The following OR4E2 variants were observed in gnomAD, a reference collection of about 807,000 sequenced individuals.
The protein encoded by OR4E2 is olfactory receptor family 4 subfamily E member 2, also known as olfactory receptor 4E2.
OR4E2 carries 9 observed loss-of-function variants against 11.0 expected under a neutral mutation model. That is an observed-to-expected ratio of 0.82 (90% CI 0.49 to 1.43). The LOEUF is 1.43. Ranked by LOEUF, OR4E2 falls within the 40% of genes most tolerant of loss-of-function variation. The pLI, the probability that OR4E2 is intolerant of heterozygous loss-of-function variation, is 0.00. For missense variants in OR4E2, 441 were observed against 382.0 expected (o/e 1.15, Z -1.29); for synonymous variants, 159 against 147.3 (o/e 1.08, Z -0.57).
At position 21,665,644 on chromosome 14, in the gene OR4E2, G is replaced by A. The variant is rs1346552154; in HGVS notation, c.562G>A (p.Ala188Thr). ...FCDVPLVIKLACTDTYLTGIL... is the reference protein window; with the variant it reads ...FCDVPLVIKLTCTDTYLTGIL... ...TGATGTGCCTCTTGTTATCAAGCTG[G>A]CCTGCACAGATACATACCTCACAGG... The change falls in exon 4 of 4, where the codon GCC becomes ACC. Residue 188 changes from alanine to threonine, a missense_variant. Physicochemically the swap from Ala to Thr is moderately conservative, Grantham distance 58 (BLOSUM62 0). Transcript: ENST00000641524. The A allele has an allele frequency of 1.9e-6, 3 of 1,614,034 alleles. No individual in the cohort carries two copies. Among genetic ancestry groups the A allele is most frequent in the Non-Finnish European group, 2.5e-6 (3 of 1,180,002 alleles).
chr14:21,664,724 A>G (rs1436198794), intron 3 of OR4E2, among the ~76,000 whole-genome samples: 1 of 152,220 alleles, frequency 6.6e-6, no homozygotes, highest in Non-Finnish European at 1.5e-5. Flanking sequence ...TGGGAGTTGT[A>G]TTGGAATATT....
chr14:21,658,325 C>T (rs1018345964), intron 2 of OR4E2, among the ~76,000 whole-genome samples: 1 of 152,148 alleles, frequency 6.6e-6, no homozygotes, highest in Non-Finnish European at 1.5e-5. Flanking sequence ...GGTTTAAGCC[C>T]TGGCATTCAA....
At chr14:21,663,762 C>T (rs767942824) in intron 3 of OR4E2, among the ~76,000 whole-genome samples, 2 of 152,090 alleles carry the variant, frequency 1.3e-5, no homozygotes, top group Admixed American at 6.5e-5. Context: ...CAGCACAGAT[C>T]GTCAGGTATT....
chr14:21,657,654 G>C (rs189619925), intron 2 of OR4E2, among the ~76,000 whole-genome samples: 2 of 149,042 alleles, frequency 1.3e-5, no homozygotes, highest in East Asian at 4.0e-4. Context: ...TCGGTGGCAC[G>C]ATCCCAGCTC....
In OR4E2 at chr14:21,665,687, AT is replaced by A. The variant is rs1566589075; in HGVS notation, c.606del (p.Asn202LysfsTer81). On this transcript the variant is annotated frameshift_variant, in exon 4 of 4. Coordinates refer to ENST00000641524, the MANE Select transcript of OR4E2 (RefSeq NM_001001912.3). LOFTEE classifies it high-confidence loss of function. ...CTCACAGGAATACTGATTGTGACCAATAGTGGAACCATCTCCCTCTCCTGTT... is the reference window on the plus strand; with the variant it reads ...CTCACAGGAATACTGATTGTGACCAAAGTGGAACCATCTCCCTCTCCTGTT... ...TYLTGILIVT[N>X]SGTISLSCFL... 6.2e-7 allele frequency: 1 copy of A among 1,614,114 alleles called. No homozygotes were observed. The highest frequency in any genetic ancestry group is 1.7e-5 in the Admixed American group (1 of 60,002).
rs1414111115 is a variant in OR4E2, at chr14:21,665,774, A to C, written c.692A>C (p.Glu231Ala). The stretch of plus-strand genomic sequence containing the variant: ...GTTTCTCTTCGAAAACACTCAGCTG[A>C]AGGGCGCCGGAAAGCCCTGTCTACC... ...ILVSLRKHSAEGRRKALSTCS... is the reference protein window; with the variant it reads ...ILVSLRKHSAAGRRKALSTCS... Residue 231 changes from glutamate to alanine, a missense_variant, in exon 4 of 4, where the codon GAA (glutamate) becomes GCA (alanine). Glu to Ala is a moderately radical substitution (Grantham distance 107). Coordinates refer to ENST00000641524, the MANE Select transcript of OR4E2 (RefSeq NM_001001912.3). 1.9e-6 allele frequency: 3 copies of C among 1,613,832 alleles called. No homozygotes were observed. The highest frequency in any genetic ancestry group is 1.1e-5 in the South Asian group (1 of 91,052).
At position 21,665,673 on chromosome 14, in the gene OR4E2, A is replaced by G. The variant is rs1224360783; in HGVS notation, c.591A>G (p.Ile197Met). ...LACTDTYLTG[I>M]LIVTNSGTIS... ...GCACAGATACATACCTCACAGGAAT[A>G]CTGATTGTGACCAATAGTGGAACCA... Residue 197 changes from isoleucine (I) to methionine (M), a missense_variant, in exon 4 of 4, where the codon ATA (isoleucine) becomes ATG (methionine). By Grantham distance (10) the Ile-to-Met change is conservative (BLOSUM62 1). Coordinates refer to ENST00000641524, the MANE Select transcript of OR4E2 (RefSeq NM_001001912.3). 1.2e-6 allele frequency: 2 copies of G among 1,614,110 alleles called. No individual in the cohort carries two copies. Among genetic ancestry groups the G allele is most frequent in the Admixed American group, 1.7e-5 (1 of 60,012 alleles).
In OR4E2 at chr14:21,665,815, A is replaced by G; in HGVS notation, c.733A>G (p.Met245Val). Residue 245 changes from methionine (M) to valine (V), a missense_variant, in exon 4 of 4, where the codon ATG (methionine) becomes GTG (valine). Met to Val is a conservative substitution (Grantham distance 21). Coordinates refer to ENST00000641524, the MANE Select transcript of OR4E2 (RefSeq NM_001001912.3). ...CCTGTCTACCTGCTCGGCCCACTTCATGGTGGTTGCCCTCTTCTTTGGGCC... is the reference window on the plus strand; with the variant it reads ...CCTGTCTACCTGCTCGGCCCACTTCGTGGTGGTTGCCCTCTTCTTTGGGCC... ...KALSTCSAHF[M>V]VVALFFGPCI... 6.2e-7 allele frequency: 1 copy of G among 1,613,392 alleles called. No homozygotes were observed. Among genetic ancestry groups the G allele is most frequent in the Non-Finnish European group, 8.5e-7 (1 of 1,179,622 alleles).
intron 2 of OR4E2, among the ~76,000 whole-genome samples, chr14:21,657,435 C>T (rs1415286408): frequency 3.3e-5 from 3 of 91,890 alleles, no homozygotes; most frequent in Non-Finnish European, 6.3e-5. Flanking sequence ...TTTCTTTCTT[C>T]TTTCTTTCCT....
chr14:21,657,599 T>A (rs1337256925), intron 2 of OR4E2, among the ~76,000 whole-genome samples: 2 of 138,356 alleles, frequency 1.4e-5, no homozygotes, highest in Non-Finnish European at 3.2e-5. Context: ...CTTCCCTTCC[T>A]TTCTTTTTTT....
At chr14:21,657,329 T>C (rs1034978080) in intron 2 of OR4E2, among the ~76,000 whole-genome samples, 1 of 143,122 alleles carries the variant, frequency 7.0e-6, no homozygotes, top group Non-Finnish European at 1.5e-5. Context: ...GGAGTTGTGA[T>C]GTTAAATGCT....
intron 1 of OR4E2, among the ~76,000 whole-genome samples, 198 bp from the exon 2 acceptor site, chr14:21,656,304 G>T (rs926030839): frequency 2.0e-5 from 3 of 152,130 alleles, no homozygotes; most frequent in Admixed American, 6.5e-5. Flanking sequence ...AGGCTGCAAT[G>T]AGCTGTGATC....
At chr14:21,660,383 G>T (rs1880252227) in intron 2 of OR4E2, among the ~76,000 whole-genome samples, 1 of 152,218 alleles carries the variant, frequency 6.6e-6, no homozygotes, top group Non-Finnish European at 1.5e-5. Context: ...TGGGGGAAGA[G>T]ATTCCAAACA....
intron 3 of OR4E2, among the ~76,000 whole-genome samples, chr14:21,664,766 T>A (rs1365427737): frequency 6.6e-6 from 1 of 152,194 alleles, no homozygotes; most frequent in African/African-American, 2.4e-5. Flanking sequence ...TAGTTTGAAG[T>A]GAAAAGAGCC....
At position 21,667,325 on chromosome 14, in the gene OR4E2, T is replaced by C. The variant is rs942276931; in HGVS notation, c.*1301T>C. The C allele has an allele frequency of 3.3e-5, 5 of 152,132 alleles. 1 individual carries two copies. The highest frequency in any genetic ancestry group is 7.4e-5 in the Non-Finnish European group (5 of 68,024). 9.4% of individuals were successfully genotyped at this position (152,132 alleles called of 1,614,324 possible). On this transcript the variant is annotated 3_prime_UTR_variant, in exon 4 of 4. Transcript: ENST00000641524. The stretch of plus-strand genomic sequence containing the variant: ...CTGGAGAACTGGAGAGCAGACAACA[T>C]AGCCATCCACACATTACAGACATAC...
At position 21,665,383 on chromosome 14, in the gene OR4E2, C is replaced by G; in HGVS notation, c.301C>G (p.Leu101Val). Reference sequence around the variant, plus strand: ...TTCCTTTGACAACTGCATCACACAGCTCTTCTTCCTACATCTCTTTGCCTG... The same window carrying G: ...TTCCTTTGACAACTGCATCACACAGGTCTTCTTCCTACATCTCTTTGCCTG... ...TISFDNCITQ[L>V]FFLHLFACAE... The change falls in exon 4 of 4, where the codon CTC (leucine) becomes GTC (valine). Residue 101 changes from leucine to valine, a missense_variant. Transcript: ENST00000641524. 6.2e-7 allele frequency: 1 copy of G among 1,614,112 alleles called. No homozygotes were observed. The highest frequency in any genetic ancestry group is 8.5e-7 in the Non-Finnish European group (1 of 1,180,016).
At chr14:21,654,747 T>TGA (rs34453088) in intron 1 of OR4E2, among the ~76,000 whole-genome samples, 29,752 of 146,328 alleles carry the variant, frequency 0.2, 3,141 homozygotes, top group African/African-American at 0.26. Context: ...ATATATAAAA[T>TGA]GAGAGAGAGA....
In OR4E2 at chr14:21,665,438, C is replaced by T. The variant is rs376724041; in HGVS notation, c.356C>T (p.Ala119Val). 70 of 1,613,672 alleles carry T rather than the reference C, an allele frequency of 4.3e-5. No homozygotes were observed. The East Asian group carries it at 7.1e-4, about 16-fold the overall frequency. Residue 119 changes from alanine to valine, a missense_variant, in exon 4 of 4, where the codon GCG (alanine) becomes GTG (valine). Transcript: ENST00000641524. ...CAEIFLLIIMAYDRYVAICTP... is the reference protein window; with the variant it reads ...CAEIFLLIIMVYDRYVAICTP... Reference sequence around the variant, plus strand: ...GAGATCTTTCTGCTGATCATTATGGCGTATGATCGTTACGTGGCTATCTGC... The same window carrying T: ...GAGATCTTTCTGCTGATCATTATGGTGTATGATCGTTACGTGGCTATCTGC...
intron 2 of OR4E2, among the ~76,000 whole-genome samples, chr14:21,657,638 T>G (rs1393829521): frequency 6.6e-6 from 1 of 150,832 alleles, no homozygotes; most frequent in Non-Finnish European, 1.5e-5. Flanking sequence ...TTGCCCAGGC[T>G]GGAGCTCGGT....
Sources: gnomAD v4.1 joint callset for allele counts (sites outside exome capture counted in the v4.1 genomes callset) on GRCh38, gnomAD v4.1.1 for gene constraint, MANE v1.5 for transcripts, NCBI Gene and HGNC (gene_info 2026-07-23, HGNC 2026-07-21) for gene names.